The following CCDC178 variants were observed in gnomAD, a reference collection of about 807,000 sequenced individuals.
CCDC178 encodes the protein coiled-coil domain-containing protein 178.
Under a neutral mutation model 117.4 loss-of-function variants are expected in CCDC178, and 126 were observed. That is an observed-to-expected ratio of 1.07 (90% CI 0.93 to 1.24). CCDC178 has a LOEUF of 1.24. Ranked by LOEUF, CCDC178 falls within the 50% of genes most tolerant of loss-of-function variation. The pLI is 0.00. For synonymous variants in CCDC178, 283 were observed against 313.4 expected, an observed-to-expected ratio of 0.90 and a Z score of 1.02; for missense variants, 1,030 against 986.9, an observed-to-expected ratio of 1.04 and a Z score of -0.59.
intron 14 of CCDC178, among the ~76,000 whole-genome samples, chr18:33,246,658 A>G (rs555802779): frequency 6.6e-6 from 1 of 151,968 alleles, no homozygotes; most frequent in African/African-American, 2.4e-5. Flanking sequence ...GAGGAGAAGA[A>G]GCATAAAACT....
At chr18:33,411,696 C>T (rs558236222) in intron 3 of CCDC178, among the ~76,000 whole-genome samples, 167 of 152,096 alleles carry the variant, frequency 1.1e-3, no homozygotes, top group African/African-American at 4.0e-3. Flanking sequence ...AACACCATGG[C>T]CAATTTGAAG....
chr18:33,096,772 C>T (rs994017991), intron 20 of CCDC178, among the ~76,000 whole-genome samples: 11 of 151,984 alleles, frequency 7.2e-5, no homozygotes, highest in Non-Finnish European at 1.5e-4. Flanking sequence ...CACTTCCACT[C>T]TAGTATTAGT....
At chr18:33,316,444 A>T (rs889151435) in intron 11 of CCDC178, among the ~76,000 whole-genome samples, 1 of 151,930 alleles carries the variant, frequency 6.6e-6, no homozygotes, top group Non-Finnish European at 1.5e-5. Context: ...GCAGCCTGCC[A>T]TGCCTGAGCC....
intron 2 of CCDC178, among the ~76,000 whole-genome samples, chr18:33,429,042 A>G (rs1216096686): frequency 6.6e-6 from 1 of 151,256 alleles, no homozygotes; most frequent in Non-Finnish European, 1.5e-5. Context: ...AAAAAACAAG[A>G]GAAATATGAT....
chr18:33,077,969 CACA>C (rs1253540735), intron 21 of CCDC178, among the ~76,000 whole-genome samples: 4 of 152,178 alleles, frequency 2.6e-5, no homozygotes, highest in African/African-American at 9.6e-5. Context: ...CTGGCAGACA[CACA>C]ACAACAACAA....
chr18:33,311,605 C>G (rs896387348), intron 11 of CCDC178, among the ~76,000 whole-genome samples: 3 of 152,198 alleles, frequency 2.0e-5, no homozygotes, highest in Non-Finnish European at 4.4e-5. Context: ...CTTCAATGTG[C>G]CGCTTCTTCA....
At chr18:32,967,220 A>C (rs1219349603) in intron 22 of CCDC178, among the ~76,000 whole-genome samples, 1 of 151,418 alleles carries the variant, frequency 6.6e-6, no homozygotes, top group East Asian at 1.9e-4. Context: ...ATCACAACTC[A>C]CAGGTTTTGA....
chr18:33,105,554 G>A (rs1478292375), intron 20 of CCDC178, among the ~76,000 whole-genome samples: 1 of 151,496 alleles, frequency 6.6e-6, no homozygotes. Flanking sequence ...TTAAATGAGA[G>A]GACTTTTCAA....
intron 21 of CCDC178, among the ~76,000 whole-genome samples, chr18:33,032,074 G>A (rs1204088898): frequency 1.3e-5 from 2 of 152,156 alleles, no homozygotes; most frequent in Non-Finnish European, 2.9e-5. Flanking sequence ...AGTCAGGACT[G>A]TGGTAAACTT....
intron 20 of CCDC178, among the ~76,000 whole-genome samples, chr18:33,099,003 C>T (rs1254027233): frequency 6.6e-6 from 1 of 151,862 alleles, no homozygotes. Flanking sequence ...ATCAGAAGAT[C>T]GAAGCTGCCC....
intron 20 of CCDC178, among the ~76,000 whole-genome samples, chr18:33,195,363 A>C (rs1290597153): frequency 1.3e-5 from 2 of 152,040 alleles, no homozygotes; most frequent in Non-Finnish European, 2.9e-5. Context: ...ACACTGAGAA[A>C]ATTTGATAGG....
At chr18:33,252,005 T>C (rs1342469452) in intron 14 of CCDC178, among the ~76,000 whole-genome samples, 6 of 151,602 alleles carry the variant, frequency 4.0e-5, no homozygotes, top group Admixed American at 1.3e-4. Context: ...GACAATAAGG[T>C]GGGATATAAA....
intron 20 of CCDC178, among the ~76,000 whole-genome samples, chr18:33,164,488 T>C (rs1041429767): frequency 1.3e-5 from 2 of 152,058 alleles, no homozygotes; most frequent in Non-Finnish European, 2.9e-5. Context: ...TATCTACTGA[T>C]AATTACCATT....
At chr18:32,980,724 T>C (rs2055138889) in intron 21 of CCDC178, among the ~76,000 whole-genome samples, 1 of 152,116 alleles carries the variant, frequency 6.6e-6, no homozygotes, top group Non-Finnish European at 1.5e-5. Flanking sequence ...TCAACTTTAA[T>C]AGTAGGATAT....
At chr18:33,154,906 AC>A (rs778967098) in intron 20 of CCDC178, among the ~76,000 whole-genome samples, 58 of 152,170 alleles carry the variant, frequency 3.8e-4, no homozygotes, top group Non-Finnish European at 6.5e-4. Context: ...AGCCAACAGA[AC>A]TAAACAAATC....
intron 10 of CCDC178, among the ~76,000 whole-genome samples, chr18:33,331,062 G>T (rs1218303957): frequency 2.0e-5 from 1 of 50,364 alleles, no homozygotes; most frequent in Non-Finnish European, 3.1e-5. Context: ...TGGTCTGCTA[G>T]CATGAATTCT....
At chr18:33,037,230 T>A (rs891936383) in intron 21 of CCDC178, among the ~76,000 whole-genome samples, 1 of 152,032 alleles carries the variant, frequency 6.6e-6, no homozygotes, top group Non-Finnish European at 1.5e-5. Context: ...ATTAATAGAC[T>A]GTGTTGATTT....
At chr18:33,406,710 C>A (rs2063785987) in intron 3 of CCDC178, among the ~76,000 whole-genome samples, 1 of 151,972 alleles carries the variant, frequency 6.6e-6, no homozygotes, top group Admixed American at 6.6e-5. Context: ...AAAAATAAAT[C>A]AAAACCAATT....
In CCDC178 at chr18:33,348,764, C is replaced by T. The variant is rs571065148; in HGVS notation, c.457+126G>A. 59 of 644,774 alleles carry T rather than the reference C, an allele frequency of 9.2e-5. No homozygotes were observed. The South Asian group carries it at 9.5e-4, about 10-fold the overall frequency. The allele number at this position is 644,774 out of a possible 1,614,324, so 39.9% of individuals were successfully genotyped here. A position where few individuals can be genotyped will look rare whatever the true frequency, so the allele number is the denominator to read the frequency against. On this transcript the variant is annotated intron_variant, in intron 8 of 22. Transcript: ENST00000383096. ...CAAATGATATAGAGGACTATTTTGT[C>T]TATTAAACATTCATAATAATTATAA...
Sources: gnomAD v4.1 joint callset for allele counts (sites outside exome capture counted in the v4.1 genomes callset) on GRCh38, gnomAD v4.1.1 for gene constraint, MANE v1.5 for transcripts, NCBI Gene and HGNC (gene_info 2026-07-23, HGNC 2026-07-21) for gene names.